GABRA3: variants seen among roughly 807,000 people sequenced by gnomAD.
GABRA3 encodes the protein gamma-aminobutyric acid type A receptor subunit alpha3.
A neutral mutation model predicts 30.1 loss-of-function variants in GABRA3; 10 were observed. The ratio of observed to expected loss-of-function variants is 0.33; its 90% confidence interval spans 0.20 to 0.56. The LOEUF is 0.56. Ranked by LOEUF, GABRA3 falls within the 20% of genes least tolerant of loss-of-function variation. GABRA3 has a pLI of 0.89. For missense variants in GABRA3, 233 were observed against 392.0 expected, an observed-to-expected ratio of 0.59 and a Z score of 3.42; for synonymous variants, 151 against 146.8, an observed-to-expected ratio of 1.03 and a Z score of -0.21.
At chrX:152,262,856 G>C (rs1331736880) in intron 4 of GABRA3, among the ~76,000 whole-genome samples, 11 of 111,839 alleles carry the variant, frequency 9.8e-5, no homozygotes, top group Non-Finnish European at 1.5e-4. Context: ...TGTGATACCA[G>C]TTTACTGTAT....
chrX:152,221,534 C>A (rs1207351048), intron 6 of GABRA3, among the ~76,000 whole-genome samples: 1 of 111,685 alleles, frequency 9.0e-6, no homozygotes, highest in Non-Finnish European at 1.9e-5. Flanking sequence ...TTAAATATTT[C>A]CATATAAACT....
chrX:152,329,769 T>C (rs1016112117), intron 3 of GABRA3, among the ~76,000 whole-genome samples: 29 of 111,948 alleles, frequency 2.6e-4, no homozygotes, highest in Middle Eastern at 9.2e-3. Flanking sequence ...GGTGAAACCA[T>C]TCAGGACACA....
intron 1 of GABRA3, among the ~76,000 whole-genome samples, chrX:152,374,337 C>CTTTTTTTTTTT (rs55927249): frequency 2.4e-5 from 1 of 41,676 alleles, no homozygotes; most frequent in Non-Finnish European, 4.2e-5. Context: ...CTTTTCTTTT[C>CTTTTTTTTTTT]TTTTTTTTTT....
chrX:152,424,928 CTTTTTTTTTTT>C (rs747255822), intron 1 of GABRA3, among the ~76,000 whole-genome samples: 1 of 42,358 alleles, frequency 2.4e-5, no homozygotes, highest in South Asian at 1.5e-3. Context: ...TTTTTCTTTT[CTTTTTTTTTTT>C]TTTTTTTTTT....
intron 3 of GABRA3, among the ~76,000 whole-genome samples, chrX:152,341,762 G>A (rs1603244825): frequency 9.1e-6 from 1 of 110,207 alleles, no homozygotes; most frequent in African/African-American, 3.3e-5. Flanking sequence ...GGATGGTCTC[G>A]ATCTCTTGAC....
rs1936940229 is a variant in GABRA3, at chrX:152,166,633, G to T, written c.*1595C>A. On this transcript the variant is annotated 3_prime_UTR_variant, in exon 10 of 10. Transcript: ENST00000370314. ...TGGGCTTCTAGGATACTCTGGACTA[G>T]TGCAGGTATTCAGAGCCAAAGTGGC... The T allele has an allele frequency of 9.0e-6, 1 of 111,168 alleles. No homozygotes were observed. Among genetic ancestry groups the T allele is most frequent in the African/African-American group, 3.3e-5 (1 of 30,467 alleles). The allele number at this position is 111,168 out of a possible 1,213,427, so 9.2% of individuals were successfully genotyped here.
chrX:152,327,614 C>G (rs1218219359), intron 3 of GABRA3, among the ~76,000 whole-genome samples: 3 of 111,659 alleles, frequency 2.7e-5, no homozygotes, highest in Non-Finnish European at 5.6e-5. Flanking sequence ...GGGTACATAA[C>G]GAAATGAAGG....
chrX:152,215,291 G>T (rs1478580107), intron 6 of GABRA3, among the ~76,000 whole-genome samples: 1 of 109,970 alleles, frequency 9.1e-6, no homozygotes, highest in Admixed American at 9.7e-5. Context: ...GATGTTTGCT[G>T]TAGGTTTGTC....
intron 1 of GABRA3, among the ~76,000 whole-genome samples, chrX:152,398,657 A>G (rs1200438850): frequency 8.9e-6 from 1 of 112,455 alleles, no homozygotes; most frequent in Admixed American, 9.4e-5. Flanking sequence ...ATTTGCTGAT[A>G]TATGTTTCTA....
chrX:152,202,597 G>C (rs1937498465), intron 7 of GABRA3, among the ~76,000 whole-genome samples: 1 of 110,853 alleles, frequency 9.0e-6, no homozygotes, highest in East Asian at 2.8e-4. Flanking sequence ...CAATGAAAAA[G>C]AATAATAAAT....
At chrX:152,319,617 C>T (rs1455071112) in intron 3 of GABRA3, among the ~76,000 whole-genome samples, 1 of 111,523 alleles carries the variant, frequency 9.0e-6, no homozygotes, top group Non-Finnish European at 1.9e-5. Context: ...CCTGAAACTA[C>T]AAAAATTCTG....
intron 3 of GABRA3, among the ~76,000 whole-genome samples, chrX:152,301,773 C>T (rs775786609): frequency 1.8e-5 from 2 of 111,299 alleles, no homozygotes; most frequent in Non-Finnish European, 3.8e-5. Context: ...ACCTCATGAT[C>T]TGCCCACCTC....
chrX:152,175,097 G>T (rs1403954585), intron 9 of GABRA3, among the ~76,000 whole-genome samples: 1 of 111,986 alleles, frequency 8.9e-6, no homozygotes, highest in African/African-American at 3.2e-5. Context: ...AGATCAGATA[G>T]CTGTAGACAT....
intron 5 of GABRA3, among the ~76,000 whole-genome samples, chrX:152,244,827 CAATT>C (rs997111774): frequency 1.8e-5 from 2 of 111,195 alleles, no homozygotes; most frequent in African/African-American, 3.3e-5. Context: ...AGCTATATCT[CAATT>C]AAAGAATTAA....
At chrX:152,171,678 A>G (rs761077616) in intron 9 of GABRA3, among the ~76,000 whole-genome samples, 12 of 111,391 alleles carry the variant, frequency 1.1e-4, no homozygotes, top group Non-Finnish European at 1.9e-4. Flanking sequence ...AAGATTATCA[A>G]TGTGATTTAT....
chrX:152,400,012 A>T lies in GABRA3; in HGVS notation c.-26-35416T>A, dbSNP rs1462050202. On this transcript the variant is annotated intron_variant, in intron 1 of 9. Coordinates refer to ENST00000370314, the MANE Select transcript of GABRA3 (RefSeq NM_000808.4). ...CTAAAATGGACAACATACAGTGGGG[A>T]CCTCAACATTGCAAGTGAAAATATG... Among the ~76,000 whole-genome samples, 36 of 111,489 alleles carry T rather than the reference A, an allele frequency of 3.2e-4. 1 individual carries two copies. Among genetic ancestry groups the T allele is most frequent in the Non-Finnish European group, 3.8e-5 (2 of 53,138 alleles).
intron 1 of GABRA3, among the ~76,000 whole-genome samples, chrX:152,406,793 G>A (rs1401010057): frequency 9.1e-6 from 1 of 110,329 alleles, no homozygotes; most frequent in African/African-American, 3.3e-5. Flanking sequence ...CCAACAGCTG[G>A]AGAATACACA....
chrX:152,317,858 C>CA (rs34243719), intron 3 of GABRA3, among the ~76,000 whole-genome samples: 2 of 111,167 alleles, frequency 1.8e-5, no homozygotes, highest in African/African-American at 6.5e-5. Context: ...ATGCCTACAT[C>CA]AAAAAGTCTG....
chrX:152,235,180 C>A (rs1481106393), intron 5 of GABRA3, among the ~76,000 whole-genome samples: 1 of 111,569 alleles, frequency 9.0e-6, no homozygotes. Context: ...TGAGATCTTT[C>A]ACCTCCTTGG....
Sources: gnomAD v4.1 joint callset for allele counts (sites outside exome capture counted in the v4.1 genomes callset) on GRCh38, gnomAD v4.1.1 for gene constraint, MANE v1.5 for transcripts, NCBI Gene and HGNC (gene_info 2026-07-23, HGNC 2026-07-21) for gene names.